DCC: variants seen among roughly 807,000 people sequenced by gnomAD.
The protein encoded by DCC is netrin receptor DCC.
A neutral mutation model predicts 172.5 loss-of-function variants in DCC; 58 were observed. The ratio of observed to expected loss-of-function variants is 0.34; its 90% confidence interval spans 0.27 to 0.42. The LOEUF (loss-of-function observed/expected upper bound fraction) is 0.42, where lower values mean the gene tolerates loss of function less well. Ranked by LOEUF, DCC falls within the 10% of genes least tolerant of loss-of-function variation. The pLI is 1.00. For missense variants in DCC, 1,740 were observed against 1,791.0 expected (o/e 0.97, Z 0.51); for synonymous variants, 709 against 644.5 (o/e 1.10, Z -1.52).
intron 1 of DCC, among the ~76,000 whole-genome samples, chr18:52,665,144 A>G (rs1420976119): frequency 1.3e-5 from 2 of 152,154 alleles, no homozygotes; most frequent in Non-Finnish European, 2.9e-5. Flanking sequence ...CCCTTTTCCA[A>G]TTTTCAGTAG....
chr18:52,654,198 G>T (rs2035199905), intron 1 of DCC, among the ~76,000 whole-genome samples: 1 of 152,072 alleles, frequency 6.6e-6, no homozygotes, highest in Non-Finnish European at 1.5e-5. Context: ...ATTGTGGCCT[G>T]GAGAAACATA....
intron 5 of DCC, among the ~76,000 whole-genome samples, chr18:53,007,301 G>T (rs7506454): frequency 2.0e-5 from 3 of 151,916 alleles, no homozygotes; most frequent in Non-Finnish European, 4.4e-5. Context: ...GTAAATTTAC[G>T]GTAGGTTTAG....
intron 2 of DCC, among the ~76,000 whole-genome samples, chr18:52,899,269 C>G (rs922606128): frequency 1.3e-5 from 2 of 151,734 alleles, no homozygotes; most frequent in African/African-American, 2.4e-5. Context: ...GCCACCTCAG[C>G]TTCCTGAGTA....
chr18:53,371,322 G>A (rs944100042), intron 15 of DCC, among the ~76,000 whole-genome samples: 6 of 151,854 alleles, frequency 4.0e-5, no homozygotes, highest in Non-Finnish European at 5.9e-5. Flanking sequence ...GTTATTCTAG[G>A]GCTAGTTCAT....
In DCC at chr18:52,446,429, T is replaced by C. The variant is rs115596311; in HGVS notation, c.91+105551T>C. 8.0e-3 allele frequency among the ~76,000 whole-genome samples: 1,224 copies of C among 152,354 alleles called. 19 individuals carry two copies. The highest frequency in any genetic ancestry group is 0.028 in the African/African-American group (1,158 of 41,580). The stretch of plus-strand genomic sequence containing the variant: ...ATAGAAGTATCGCCATCTTTCTTCT[T>C]TTCCTGGCTTCAATAACTTCATCAA... On this transcript the variant is annotated intron_variant, in intron 1 of 28. Transcript: ENST00000442544.
At chr18:52,402,077 A>G (rs1435598070) in intron 1 of DCC, among the ~76,000 whole-genome samples, 1 of 152,028 alleles carries the variant, frequency 6.6e-6, no homozygotes, top group East Asian at 1.9e-4. Context: ...CAAGGGTTGC[A>G]TGTACAATTC....
At chr18:52,584,898 A>G (rs993943870) in intron 1 of DCC, among the ~76,000 whole-genome samples, 1 of 152,088 alleles carries the variant, frequency 6.6e-6, no homozygotes, top group Non-Finnish European at 1.5e-5. Context: ...TATGGCATAA[A>G]CCTTGGGCAT....
chr18:52,629,672 C>T lies in DCC; in HGVS notation c.92-122382C>T, dbSNP rs191350248. Among the ~76,000 whole-genome samples the T allele has an allele frequency of 2.9e-3, 437 of 151,996 alleles. 2 individuals are homozygous for T. The highest frequency in any genetic ancestry group is 5.0e-3 in the Non-Finnish European group (339 of 67,972). ...TCTAATAAAAATACAAAAATTAGTC[C>T]GGGCGCGGTGGCTCACGCCTGTAAT... On this transcript the variant is annotated intron_variant, in intron 1 of 28. Coordinates refer to ENST00000442544, the MANE Select transcript of DCC (RefSeq NM_005215.4).
chr18:52,532,133 G>T (rs759135459), intron 1 of DCC, among the ~76,000 whole-genome samples: 1 of 152,096 alleles, frequency 6.6e-6, no homozygotes, highest in Non-Finnish European at 1.5e-5. Context: ...GCATATTAAG[G>T]ACTGTGTACA....
At chr18:52,349,410 T>A (rs1984020648) in intron 1 of DCC, among the ~76,000 whole-genome samples, 1 of 152,154 alleles carries the variant, frequency 6.6e-6, no homozygotes, top group Non-Finnish European at 1.5e-5. Flanking sequence ...TTCAGTCTCA[T>A]GGGATCCCAG....
intron 9 of DCC, among the ~76,000 whole-genome samples, chr18:53,182,846 G>A (rs1240793827): frequency 2.0e-5 from 3 of 151,564 alleles, no homozygotes; most frequent in Admixed American, 1.3e-4. Flanking sequence ...TTCCCTCTTT[G>A]TTATAAGCCC....
At chr18:53,084,920 A>C (rs1370623633) in intron 7 of DCC, among the ~76,000 whole-genome samples, 1 of 152,206 alleles carries the variant, frequency 6.6e-6, no homozygotes, top group Non-Finnish European at 1.5e-5. Flanking sequence ...TTGAACAAAT[A>C]GTGATTTTTA....
At position 53,485,925 on chromosome 18, in the gene DCC, T is replaced by TA. The variant is rs146025135; in HGVS notation, c.3737-867dup. ...TTATTGGCATTACCATCTAAATAAA[T>TA]AAAAATAAATTATTAATTTCATAGA... On this transcript the variant is annotated intron_variant, in intron 25 of 28. Transcript: ENST00000442544. Among the ~76,000 whole-genome samples, 1,168 of 152,108 alleles carry TA rather than the reference T, an allele frequency of 7.7e-3. 15 individuals carry two copies. Among genetic ancestry groups the TA allele is most frequent in the African/African-American group, 0.027 (1,123 of 41,568 alleles).
chr18:53,246,985 C>G (rs2056372675), intron 12 of DCC, among the ~76,000 whole-genome samples: 1 of 151,890 alleles, frequency 6.6e-6, no homozygotes, highest in Non-Finnish European at 1.5e-5. Context: ...AACCAAGGAA[C>G]TTGAGTGTTC....
intron 4 of DCC, 124 bp from the exon 5 acceptor site, chr18:52,925,110 T>C (rs2040181082): frequency 2.1e-6 from 2 of 965,406 alleles, no homozygotes; most frequent in African/African-American, 3.2e-5. Flanking sequence ...ATCAAGCCCT[T>C]ATGATACACA....
intron 27 of DCC, among the ~76,000 whole-genome samples, chr18:53,508,027 G>A (rs1297938815): frequency 6.6e-6 from 1 of 151,536 alleles, no homozygotes; most frequent in African/African-American, 2.4e-5. Context: ...CCGAGAGCTG[G>A]GACTACAGGT....
chr18:53,362,882 A>G (rs1008161846), intron 15 of DCC, among the ~76,000 whole-genome samples: 3 of 152,136 alleles, frequency 2.0e-5, no homozygotes, highest in East Asian at 1.9e-4. Flanking sequence ...ATTATGAACA[A>G]TGGAAGGCTT....
chr18:52,605,162 CTGTT>C (rs1403256103), intron 1 of DCC, among the ~76,000 whole-genome samples: 1 of 151,942 alleles, frequency 6.6e-6, no homozygotes, highest in Non-Finnish European at 1.5e-5. Flanking sequence ...TTTATTAGGT[CTGTT>C]TGAGACATAA....
intron 13 of DCC, among the ~76,000 whole-genome samples, chr18:53,319,392 G>T (rs1599020533): frequency 6.6e-6 from 1 of 151,936 alleles, no homozygotes; most frequent in Non-Finnish European, 1.5e-5. Flanking sequence ...GACACACATA[G>T]GCTCAAAATA....
Sources: gnomAD v4.1 joint callset for allele counts (sites outside exome capture counted in the v4.1 genomes callset) on GRCh38, gnomAD v4.1.1 for gene constraint, MANE v1.5 for transcripts, NCBI Gene and HGNC (gene_info 2026-07-23, HGNC 2026-07-21) for gene names.